Variants in DYNC2I2 observed in about 807,000 individuals in gnomAD.
DYNC2I2 encodes the protein dynein 2 intermediate chain 2.
In DYNC2I2, 39 loss-of-function variants were observed where a neutral mutation model predicts 52.0. That is an observed-to-expected ratio of 0.75 (90% CI 0.58 to 0.98). The LOEUF (loss-of-function observed/expected upper bound fraction) is 0.98. DYNC2I2 is among the 50% of genes least tolerant of loss of function. DYNC2I2 has a pLI of 0.00. For missense variants in DYNC2I2, 743 were observed against 728.4 expected (o/e 1.02, Z -0.23); for synonymous variants, 359 against 321.1 (o/e 1.12, Z -1.26).
chr9:128,681,048 A>G, the DYNC2I2 span, among the ~76,000 whole-genome samples: 1 of 152,126 alleles, frequency 6.6e-6, no homozygotes, highest in Non-Finnish European at 1.5e-5. Flanking sequence ...ACTCAACATT[A>G]TATTTGTAGG....
chr9:128,663,758 A>G, the DYNC2I2 span, among the ~76,000 whole-genome samples: 14 of 144,934 alleles, frequency 9.7e-5, no homozygotes, highest in African/African-American at 3.6e-4. Context: ...TGCTCAAGTG[A>G]TCTCCCAGCT....
At chr9:128,635,850 A>C in intron 4 of DYNC2I2, 83 bp from the exon 5 acceptor site, 2 of 1,340,718 alleles carry the variant, frequency 1.5e-6, no homozygotes, top group Non-Finnish European at 2.1e-6. Flanking sequence ...CAGCCCACCT[A>C]CAGGGCCAGG....
chr9:128,633,874 T>C lies in DYNC2I2; in HGVS notation c.1481A>G (p.Gln494Arg), dbSNP rs776473267. ...ATCGCCCGCAGCCAAGAGCTGAGTCTGCTGGCTGTTGAACTCCAGACAGTA... is the reference window on the plus strand; with the variant it reads ...ATCGCCCGCAGCCAAGAGCTGAGTCCGCTGGCTGTTGAACTCCAGACAGTA... ...PVYCLEFNSQ[Q>R]TQLLAAGDAQ... is the part of the protein sequence containing the mutation. Residue 494 changes from glutamine (Q) to arginine (R), a missense_variant, in exon 9 of 9, where the codon CAG becomes CGG. Transcript: ENST00000372715. 54 of 1,613,410 alleles carry C rather than the reference T, an allele frequency of 3.3e-5. No homozygotes were observed. The highest frequency in any genetic ancestry group is 4.2e-5 in the Non-Finnish European group (50 of 1,180,054).
upstream of DYNC2I2, among the ~76,000 whole-genome samples, chr9:128,659,917 A>G (rs1589439990): frequency 6.6e-6 from 1 of 151,558 alleles, no homozygotes; most frequent in Non-Finnish European, 1.5e-5. Flanking sequence ...TCAAAAAAAA[A>G]AAGTTAGCCA....
In DYNC2I2 at chr9:128,634,532, G is replaced by C. The variant is rs1480708686; in HGVS notation, c.1215-149C>G. 3.1e-6 allele frequency: 4 copies of C among 1,310,758 alleles called. No individual in the cohort carries two copies. The Middle Eastern group carries it at 8.3e-4, about 270-fold the overall frequency. The allele number at this position is 1,310,758 out of a possible 1,614,324, so 81.2% of individuals were successfully genotyped here. On this transcript the variant is annotated intron_variant, in intron 7 of 8. Coordinates refer to ENST00000372715, the MANE Select transcript of DYNC2I2 (RefSeq NM_052844.4). ...GGAGTTGGTCCTCTCATTAGAGAAGGGACGATGCCTGGGCCAACCACCAAA... is the reference window on the plus strand; with the variant it reads ...GGAGTTGGTCCTCTCATTAGAGAAGCGACGATGCCTGGGCCAACCACCAAA...
At chr9:128,646,398 G>A (rs1029144824) in intron 1 of DYNC2I2, among the ~76,000 whole-genome samples, 3 of 152,218 alleles carry the variant, frequency 2.0e-5, no homozygotes, top group South Asian at 2.1e-4. Context: ...TAATAGAGAC[G>A]GGGATTCACC....
chr9:128,661,426 C>G (rs573172155), upstream of DYNC2I2, among the ~76,000 whole-genome samples: 4 of 151,628 alleles, frequency 2.6e-5, no homozygotes, highest in Non-Finnish European at 5.9e-5. Flanking sequence ...CAAGACCAGC[C>G]TGGCCAACAT....
the DYNC2I2 span, chr9:128,684,077 C>A: frequency 7.9e-7 from 1 of 1,259,852 alleles, no homozygotes; most frequent in Admixed American, 2.1e-5. Context: ...GATTTTTACC[C>A]CCCAATCCCT....
At chr9:128,642,312 C>T (rs1264408157) in intron 1 of DYNC2I2, among the ~76,000 whole-genome samples, 1 of 147,588 alleles carries the variant, frequency 6.8e-6, no homozygotes, top group Non-Finnish European at 1.5e-5. Context: ...AAAAATTAGC[C>T]GGGTGTGGTG....
the DYNC2I2 span, among the ~76,000 whole-genome samples, chr9:128,676,114 G>A: frequency 2.0e-5 from 3 of 152,108 alleles, no homozygotes; most frequent in Admixed American, 6.6e-5. Context: ...GCTGCAGTAA[G>A]CTATGATCAC....
At chr9:128,662,869 T>C in the DYNC2I2 span, among the ~76,000 whole-genome samples, 1 of 151,808 alleles carries the variant, frequency 6.6e-6, no homozygotes, top group African/African-American at 2.4e-5. Flanking sequence ...CAGCCTTTTT[T>C]TTCTTTTGAG....
intron 1 of DYNC2I2, among the ~76,000 whole-genome samples, chr9:128,647,426 C>A (rs888044529): frequency 6.6e-6 from 1 of 152,108 alleles, no homozygotes; most frequent in African/African-American, 2.4e-5. Context: ...CCAGAGCCAG[C>A]CTCCCACACC....
intron 1 of DYNC2I2, among the ~76,000 whole-genome samples, chr9:128,656,312 G>GT (rs1313333626): frequency 1.3e-5 from 2 of 152,040 alleles, no homozygotes; most frequent in Non-Finnish European, 1.5e-5. Context: ...GAGGTGTTTT[G>GT]TTTTTCCACT....
At chr9:128,654,678 T>C (rs904701815) in intron 1 of DYNC2I2, among the ~76,000 whole-genome samples, 2 of 152,290 alleles carry the variant, frequency 1.3e-5, no homozygotes, top group African/African-American at 4.8e-5. Context: ...CTGCCTCAGC[T>C]GCTCAAGTAG....
the DYNC2I2 span, among the ~76,000 whole-genome samples, chr9:128,669,645 C>T: frequency 1.7e-3 from 259 of 152,180 alleles, 1 homozygote; most frequent in African/African-American, 5.8e-3. Flanking sequence ...TGCGGTGAGC[C>T]GACATCGCAC....
At chr9:128,643,696 G>A (rs935147254) in intron 1 of DYNC2I2, among the ~76,000 whole-genome samples, 2 of 152,118 alleles carry the variant, frequency 1.3e-5, no homozygotes, top group Admixed American at 6.6e-5. Flanking sequence ...AGCCCAAGAC[G>A]ACGTGTTGGA....
At chr9:128,641,339 T>C (rs926663299) in intron 1 of DYNC2I2, among the ~76,000 whole-genome samples, 3 of 152,034 alleles carry the variant, frequency 2.0e-5, no homozygotes, top group African/African-American at 7.2e-5. Context: ...CTGATGCCCA[T>C]GAACACCCCA....
At chr9:128,635,434 C>A in intron 5 of DYNC2I2, 175 bp from the exon 6 acceptor site, 1 of 855,852 alleles carries the variant, frequency 1.2e-6, no homozygotes, top group Non-Finnish European at 1.8e-6. Context: ...CTCTCCAGTC[C>A]CAGAATCCCA....
Position 128,640,671 on chromosome 9 carries a change from T to C in DYNC2I2, c.435+20A>G. On this transcript the variant is annotated intron_variant, in intron 2 of 8. Coordinates refer to ENST00000372715, the MANE Select transcript of DYNC2I2 (RefSeq NM_052844.4). ...GTGGGGCAGGGGCTCGACCCGAGGC[T>C]GCACCAGCCCATCCCCTACCATCTG... is the stretch of plus-strand genomic sequence containing the variant. 1 of 1,607,250 alleles carries C rather than the reference T, an allele frequency of 6.2e-7. No homozygotes were observed.
Sources: allele counts gnomAD v4.1 joint callset (sites outside exome capture counted in the v4.1 genomes callset), GRCh38; gene constraint gnomAD v4.1.1; transcripts MANE v1.5; gene names NCBI Gene and HGNC (gene_info 2026-07-23, HGNC 2026-07-21).